MAP4: variants seen among roughly 807,000 people sequenced by gnomAD.
MAP4 encodes the protein microtubule associated protein 4.
In MAP4, 76 loss-of-function variants were observed where a neutral mutation model predicts 170.2. The observed-to-expected ratio is 0.45, with a 90% confidence interval of 0.37 to 0.54. MAP4 has a LOEUF of 0.54. Among genes scored for constraint, MAP4 ranks in the 20% least tolerant of loss-of-function variants. MAP4 has a pLI of 0.00. For synonymous variants in MAP4, 909 were observed against 994.5 expected (o/e 0.91, Z 1.62); for missense variants, 2,506 against 2,748.0 (o/e 0.91, Z 1.97).
At chr3:47,890,918 G>T in intron 10 of MAP4, 1 of 914,418 alleles carries the variant, frequency 1.1e-6, no homozygotes, top group Non-Finnish European at 1.6e-6. Flanking sequence ...GGCAGTCACA[G>T]AACCCAGCTG....
At chr3:47,926,767 C>T (rs2100046241) in intron 4 of MAP4, among the ~76,000 whole-genome samples, 1 of 152,148 alleles carries the variant, frequency 6.6e-6, no homozygotes, top group Non-Finnish European at 1.5e-5. Context: ...AACTCTTGGC[C>T]TCAAGTGATC....
At chr3:47,927,407 T>C (rs1236861702) in intron 4 of MAP4, among the ~76,000 whole-genome samples, 3 of 152,176 alleles carry the variant, frequency 2.0e-5, no homozygotes, top group Non-Finnish European at 4.4e-5. Context: ...TTAAGGCTCT[T>C]TTGGAACTCA....
chr3:48,048,695 T>A (rs973636874), intron 1 of MAP4, among the ~76,000 whole-genome samples: 5 of 151,978 alleles, frequency 3.3e-5, no homozygotes, highest in Non-Finnish European at 5.9e-5. Flanking sequence ...TTTTTAAATT[T>A]TTTTGTAGAG....
chr3:47,973,149 T>C lies in MAP4; in HGVS notation c.292+4716A>G, dbSNP rs764389656. On this transcript the variant is annotated intron_variant, in intron 3 of 20. Coordinates refer to ENST00000683076, the MANE Select transcript of MAP4 (RefSeq NM_001385682.1). ...AGTAATCACATTAGAAGTCCCAATATACAAACTGTTGAAGTCCAAAGTCAC... is the reference window on the plus strand; with the variant it reads ...AGTAATCACATTAGAAGTCCCAATACACAAACTGTTGAAGTCCAAAGTCAC... The C allele has an allele frequency of 1.9e-5, 19 of 983,266 alleles. No homozygotes were observed. The South Asian group carries it at 2.8e-4, about 15-fold the overall frequency. The allele number at this position is 983,266 out of a possible 1,614,324, so 60.9% of individuals were successfully genotyped here.
At chr3:47,939,808 T>A (rs2100055173) in intron 3 of MAP4, among the ~76,000 whole-genome samples, 1 of 151,566 alleles carries the variant, frequency 6.6e-6, no homozygotes. Flanking sequence ...AGAAGGAGCA[T>A]GAAAGTCTGT....
chr3:48,058,762 G>A (rs1220299841), intron 1 of MAP4, among the ~76,000 whole-genome samples: 1 of 152,204 alleles, frequency 6.6e-6, no homozygotes, highest in South Asian at 2.1e-4. Flanking sequence ...TGAAAATCTA[G>A]ATACAATATT....
intron 1 of MAP4, among the ~76,000 whole-genome samples, chr3:48,011,890 G>A (rs900684628): frequency 2.0e-5 from 3 of 152,096 alleles, no homozygotes; most frequent in African/African-American, 4.8e-5. Flanking sequence ...TAAAAAGGAC[G>A]TCTGTAACTA....
chr3:47,872,233 G>T, intron 12 of MAP4, 133 bp from the exon 13 acceptor site: 3 of 772,904 alleles, frequency 3.9e-6, no homozygotes, highest in East Asian at 2.7e-5. Flanking sequence ...GCCCAGGCTG[G>T]AGTGCAGTGG....
At chr3:47,897,163 G>T (rs1577242540) in intron 10 of MAP4, among the ~76,000 whole-genome samples, 1 of 152,102 alleles carries the variant, frequency 6.6e-6, no homozygotes, top group African/African-American at 2.4e-5. Flanking sequence ...GTCTCGCTTT[G>T]TTGCCCAGGC....
At chr3:47,981,076 T>G (rs1264494164) in intron 2 of MAP4, among the ~76,000 whole-genome samples, 3 of 152,198 alleles carry the variant, frequency 2.0e-5, no homozygotes, top group African/African-American at 7.2e-5. Flanking sequence ...TTTAGGTATT[T>G]AGTTCAAAAA....
chr3:48,083,540 A>G (rs1204119486), intron 1 of MAP4, among the ~76,000 whole-genome samples: 7 of 149,804 alleles, frequency 4.7e-5, no homozygotes. Flanking sequence ...TAATTTTTGT[A>G]TTTTTAGTAG....
chr3:47,858,933 C>G (rs1034002683), intron 17 of MAP4, among the ~76,000 whole-genome samples: 5 of 152,066 alleles, frequency 3.3e-5, no homozygotes, highest in African/African-American at 1.2e-4. Context: ...TCGAGACCAT[C>G]CTGGCTAACA....
chr3:48,087,747 A>ACACACACACACACGCGCGCG (rs1559930121), intron 1 of MAP4, among the ~76,000 whole-genome samples: 98 of 74,146 alleles, frequency 1.3e-3, no homozygotes, highest in Admixed American at 3.7e-3. Flanking sequence ...ACGCACGCGC[A>ACACACACACACACGCGCGCG]CACACACACA....
rs1228555915 is a variant in MAP4, at chr3:47,909,077, T to C, written c.5344A>G (p.Ile1782Val). The C allele has an allele frequency of 4.3e-6, 7 of 1,613,982 alleles. No individual in the cohort carries two copies. The highest frequency in any genetic ancestry group is 5.9e-6 in the Non-Finnish European group (7 of 1,179,876). The change falls in exon 9 of 21, where the codon ATC becomes GTC. Residue 1782 changes from isoleucine (I) to valine (V), a missense_variant. Coordinates refer to ENST00000683076, the MANE Select transcript of MAP4 (RefSeq NM_001385682.1). ...TGCTTATGTCTCTCTTGTTCCTGGA[T>C]TGTAGACTTTGGCAAAAGTGGAGTA... The part of the protein sequence containing the change: ...GLTPLLPKST[I>V]QEQERHKQLK...
intron 3 of MAP4, among the ~76,000 whole-genome samples, chr3:47,952,572 A>G (rs987090794): frequency 2.0e-5 from 3 of 151,882 alleles, no homozygotes; most frequent in Non-Finnish European, 2.9e-5. Flanking sequence ...GATCCTGTTG[A>G]TCTATGACCT....
chr3:47,926,431 GC>G (rs1171943658), intron 4 of MAP4, among the ~76,000 whole-genome samples: 3 of 149,984 alleles, frequency 2.0e-5, no homozygotes, highest in East Asian at 4.0e-4. Flanking sequence ...TGATCCGCCT[GC>G]CTCGGCCTCC....
At chr3:48,030,492 A>T (rs1451580184) in intron 1 of MAP4, among the ~76,000 whole-genome samples, 4 of 151,884 alleles carry the variant, frequency 2.6e-5, no homozygotes, top group African/African-American at 2.4e-5. Flanking sequence ...AAATAAAAAA[A>T]AAAAAACAAC....
chr3:47,991,908 T>G (rs2100092569), intron 2 of MAP4, among the ~76,000 whole-genome samples: 1 of 151,490 alleles, frequency 6.6e-6, no homozygotes, highest in African/African-American at 2.4e-5. Flanking sequence ...TGACCTCAGG[T>G]GATCCACCCG....
chr3:47,975,676 C>T (rs1366465444), intron 3 of MAP4, among the ~76,000 whole-genome samples: 3 of 152,106 alleles, frequency 2.0e-5, no homozygotes, highest in African/African-American at 7.2e-5. Context: ...TTAGATGCTC[C>T]AGGTAGTGAT....
Sources: allele counts gnomAD v4.1 joint callset (sites outside exome capture counted in the v4.1 genomes callset), GRCh38; gene constraint gnomAD v4.1.1; transcripts MANE v1.5; gene names NCBI Gene and HGNC (gene_info 2026-07-23, HGNC 2026-07-21).